ENTREP2: variants seen among roughly 807,000 people sequenced by gnomAD.
ENTREP2 encodes the protein protein ENTREP2.
the ENTREP2 span, among the ~76,000 whole-genome samples, chr15:29,406,932 C>T: frequency 6.6e-6 from 1 of 152,192 alleles, no homozygotes; most frequent in East Asian, 1.9e-4. Flanking sequence ...TCACCCATAA[C>T]TGAGCCACAA....
the ENTREP2 span, among the ~76,000 whole-genome samples, chr15:29,353,295 G>A: frequency 6.6e-6 from 1 of 152,182 alleles, no homozygotes; most frequent in East Asian, 1.9e-4. Context: ...ATGGGACTAA[G>A]TGCTGCACGC....
the ENTREP2 span, among the ~76,000 whole-genome samples, chr15:29,286,784 C>T: frequency 7.2e-5 from 11 of 152,186 alleles, no homozygotes; most frequent in African/African-American, 2.7e-4. Context: ...ATTGAGTGTC[C>T]TGTTTTTAAA....
At chr15:29,549,687 C>T in the ENTREP2 span, among the ~76,000 whole-genome samples, 3 of 152,238 alleles carry the variant, frequency 2.0e-5, no homozygotes, top group African/African-American at 7.2e-5. Flanking sequence ...TCACCTTCTG[C>T]TCTGCCCAGT....
chr15:29,328,744 A>C, the ENTREP2 span, among the ~76,000 whole-genome samples: 1 of 152,224 alleles, frequency 6.6e-6, no homozygotes, highest in Admixed American at 6.5e-5. Flanking sequence ...GAGTGGGAAC[A>C]GGGGAGGAGG....
the ENTREP2 span, among the ~76,000 whole-genome samples, chr15:29,133,100 GTCAGCCTCCCC>G: frequency 1.3e-5 from 2 of 152,138 alleles, no homozygotes; most frequent in Non-Finnish European, 2.9e-5. Flanking sequence ...TGCACCCTCG[GTCAGCCTCCCC>G]TCTGCCTTCC....
the ENTREP2 span, among the ~76,000 whole-genome samples, chr15:29,410,493 G>T: frequency 6.6e-6 from 1 of 151,852 alleles, no homozygotes; most frequent in East Asian, 2.0e-4. Context: ...CCTGAAATGT[G>T]CTCGGTAACT....
chr15:29,439,432 T>G, the ENTREP2 span, among the ~76,000 whole-genome samples: 1 of 151,726 alleles, frequency 6.6e-6, no homozygotes, highest in Non-Finnish European at 1.5e-5. Context: ...AATTACAACC[T>G]AAAGGCCAAA....
the ENTREP2 span, among the ~76,000 whole-genome samples, chr15:29,338,110 G>A: frequency 2.0e-5 from 3 of 152,072 alleles, no homozygotes; most frequent in Admixed American, 2.0e-4. Context: ...GCAGACAGGA[G>A]ACTGCAGAGC....
the ENTREP2 span, among the ~76,000 whole-genome samples, chr15:29,473,468 A>C: frequency 6.6e-6 from 1 of 152,172 alleles, no homozygotes; most frequent in Non-Finnish European, 1.5e-5. Context: ...ATTCTGCAAA[A>C]GAATTCAAAG....
the ENTREP2 span, among the ~76,000 whole-genome samples, chr15:29,327,317 C>T: frequency 5.6e-4 from 85 of 152,154 alleles, no homozygotes; most frequent in South Asian, 4.8e-3. Flanking sequence ...TGGCTGGGCG[C>T]GGTGGCTCAA....
At chr15:29,206,975 G>C in the ENTREP2 span, among the ~76,000 whole-genome samples, 1 of 152,054 alleles carries the variant, frequency 6.6e-6, no homozygotes, top group Non-Finnish European at 1.5e-5. Context: ...TGTCTCCCCG[G>C]CATAAACTCA....
chr15:29,574,440 C>T, the ENTREP2 span, among the ~76,000 whole-genome samples: 32 of 152,274 alleles, frequency 2.1e-4, no homozygotes, highest in East Asian at 3.3e-3. Context: ...ACTACAGGCG[C>T]ACGCCCCCAT....
chr15:29,410,457 G>A, the ENTREP2 span, among the ~76,000 whole-genome samples: 1 of 151,956 alleles, frequency 6.6e-6, no homozygotes, highest in Admixed American at 6.6e-5. Flanking sequence ...ACAGAGACTT[G>A]AGGCGACGGG....
At chr15:29,261,640 T>C in the ENTREP2 span, among the ~76,000 whole-genome samples, 1 of 152,248 alleles carries the variant, frequency 6.6e-6, no homozygotes, top group Non-Finnish European at 1.5e-5. Flanking sequence ...AAACTGATTT[T>C]ATACGCAACA....
At chr15:29,644,727 G>A in the ENTREP2 span, among the ~76,000 whole-genome samples, 14 of 151,294 alleles carry the variant, frequency 9.3e-5, no homozygotes, top group Admixed American at 3.3e-4. Context: ...TGCTTGAACC[G>A]GGGAGGTGGA....
the ENTREP2 span, among the ~76,000 whole-genome samples, chr15:29,643,767 C>T: frequency 5.1e-5 from 7 of 137,582 alleles, no homozygotes; most frequent in African/African-American, 1.7e-4. Flanking sequence ...GGTGACGGAG[C>T]GAGACTCTGT....
the ENTREP2 span, among the ~76,000 whole-genome samples, chr15:29,386,764 G>C: frequency 6.6e-6 from 1 of 152,112 alleles, no homozygotes; most frequent in Non-Finnish European, 1.5e-5. Flanking sequence ...CACGCTCTCC[G>C]CACACACACA....
At chr15:29,293,195 T>C in the ENTREP2 span, among the ~76,000 whole-genome samples, 7 of 152,060 alleles carry the variant, frequency 4.6e-5, no homozygotes, top group Non-Finnish European at 8.8e-5. Context: ...GGGAGGTTTT[T>C]GGGTTGTAAG....
At chr15:29,221,967 A>G in the ENTREP2 span, among the ~76,000 whole-genome samples, 74 of 152,276 alleles carry the variant, frequency 4.9e-4, no homozygotes, top group African/African-American at 1.7e-3. Flanking sequence ...CTCCTGCATG[A>G]CTTCTCCAAC....
Sources: gnomAD v4.1 joint callset for allele counts (sites outside exome capture counted in the v4.1 genomes callset) on GRCh38, gnomAD v4.1.1 for gene constraint, MANE v1.5 for transcripts, NCBI Gene and HGNC (gene_info 2026-07-23, HGNC 2026-07-21) for gene names.